BBS9: variants seen among roughly 807,000 people sequenced by gnomAD.
BBS9 encodes the protein protein PTHB1.
A neutral mutation model predicts 117.7 loss-of-function variants in BBS9; 89 were observed. That is an observed-to-expected ratio of 0.76 (90% CI 0.64 to 0.90). The LOEUF (loss-of-function observed/expected upper bound fraction) is 0.90. Among genes scored for constraint, BBS9 ranks in the 40% least tolerant of loss-of-function variants. The probability of loss-of-function intolerance (pLI) is 0.00; values close to 1 mark genes in which losing one functional copy is unlikely to be tolerated. For synonymous variants in BBS9, 379 were observed against 370.9 expected, an observed-to-expected ratio of 1.02 and a Z score of -0.25; for missense variants, 982 against 1,042.2, an observed-to-expected ratio of 0.94 and a Z score of 0.80.
rs1862109273 is a variant in BBS9, at chr7:33,592,572, G to T, written c.2522-12293G>T. ...TCCTGAGTGTTTCTTCAGTTTCCTT[G>T]TCCTATGTGGAAGGATATGATAAAA... is the stretch of plus-strand genomic sequence containing the variant. On this transcript the variant is annotated intron_variant, in intron 21 of 22. Transcript: ENST00000242067. 1.3e-5 allele frequency among the ~76,000 whole-genome samples: 2 copies of T among 152,028 alleles called. 1 individual carries two copies. The highest frequency in any genetic ancestry group is 4.1e-4 in the South Asian group (2 of 4,822).
chr7:33,180,533 T>C (rs1001884615), intron 5 of BBS9, among the ~76,000 whole-genome samples: 5 of 152,056 alleles, frequency 3.3e-5, no homozygotes, highest in Non-Finnish European at 7.4e-5. Flanking sequence ...ATTTTTGTAT[T>C]TTCAGTAGAG....
intron 19 of BBS9, among the ~76,000 whole-genome samples, chr7:33,454,664 A>C (rs1427970138): frequency 6.6e-6 from 1 of 152,248 alleles, no homozygotes; most frequent in Non-Finnish European, 1.5e-5. Flanking sequence ...CACCTCAATC[A>C]TAATGGCTAC....
chr7:33,554,409 G>A (rs961311908), intron 21 of BBS9, among the ~76,000 whole-genome samples: 6 of 152,120 alleles, frequency 3.9e-5, no homozygotes, highest in Non-Finnish European at 8.8e-5. Context: ...TATGGCAATG[G>A]AGATAGAAGT....
At chr7:33,589,545 T>C (rs1444056247) in intron 21 of BBS9, among the ~76,000 whole-genome samples, 2 of 152,062 alleles carry the variant, frequency 1.3e-5, no homozygotes, top group African/African-American at 4.8e-5. Flanking sequence ...TTTCAAATGT[T>C]GAAACAATAG....
chr7:33,431,041 A>C (rs566582938), intron 19 of BBS9, among the ~76,000 whole-genome samples: 1 of 151,944 alleles, frequency 6.6e-6, no homozygotes, highest in Admixed American at 6.5e-5. Context: ...AAAAAAAAAA[A>C]AAACTTAGAC....
intron 19 of BBS9, among the ~76,000 whole-genome samples, chr7:33,460,394 C>T (rs2128932789): frequency 6.6e-6 from 1 of 152,108 alleles, no homozygotes; most frequent in African/African-American, 2.4e-5. Flanking sequence ...AGGGTTTTCT[C>T]TTTAAGTAGC....
At chr7:33,560,291 A>G (rs6951439) in intron 21 of BBS9, among the ~76,000 whole-genome samples, 93,162 of 152,042 alleles carry the variant, frequency 0.61, 29,329 homozygotes, top group African/African-American at 0.73. Flanking sequence ...TAGGGATCAT[A>G]GTGGATTATT....
At chr7:33,399,296 A>T (rs1167835478) in intron 19 of BBS9, among the ~76,000 whole-genome samples, 1 of 151,978 alleles carries the variant, frequency 6.6e-6, no homozygotes, top group Non-Finnish European at 1.5e-5. Context: ...AATGATTTTC[A>T]CTCACTGGAT....
At chr7:33,288,182 C>T (rs1803269987) in intron 9 of BBS9, among the ~76,000 whole-genome samples, 1 of 152,168 alleles carries the variant, frequency 6.6e-6, no homozygotes, top group African/African-American at 2.4e-5. Flanking sequence ...ACCCAGCCCT[C>T]CTTTGGTTTC....
chr7:33,215,787 G>T (rs542662519), intron 5 of BBS9, among the ~76,000 whole-genome samples: 1 of 152,186 alleles, frequency 6.6e-6, no homozygotes, highest in African/African-American at 2.4e-5. Context: ...CCTTACATGC[G>T]GGAGCTAAAA....
At chr7:33,226,833 G>A (rs1028264214) in intron 5 of BBS9, among the ~76,000 whole-genome samples, 1 of 152,144 alleles carries the variant, frequency 6.6e-6, no homozygotes, top group Admixed American at 6.5e-5. Context: ...GGTTCTTAGA[G>A]TAGAGTAGTC....
At chr7:33,548,350 C>CTT (rs200406351) in intron 21 of BBS9, among the ~76,000 whole-genome samples, 35 of 151,462 alleles carry the variant, frequency 2.3e-4, no homozygotes, top group African/African-American at 7.0e-4. Flanking sequence ...TGTGAACTGC[C>CTT]TTTTTTTTTA....
chr7:33,308,665 A>T (rs910135279), intron 9 of BBS9, among the ~76,000 whole-genome samples: 3 of 152,236 alleles, frequency 2.0e-5, no homozygotes, highest in Non-Finnish European at 4.4e-5. Context: ...TTGACAGCTT[A>T]CTTAAATGAT....
At chr7:33,289,791 C>A (rs1243169668) in intron 9 of BBS9, among the ~76,000 whole-genome samples, 3 of 152,058 alleles carry the variant, frequency 2.0e-5, no homozygotes, top group African/African-American at 7.2e-5. Flanking sequence ...CGCCTGTAAT[C>A]CCAGCACTTT....
chr7:33,608,044 C>A (rs1402919376), downstream of BBS9, among the ~76,000 whole-genome samples: 1 of 151,826 alleles, frequency 6.6e-6, no homozygotes, highest in Non-Finnish European at 1.5e-5. Flanking sequence ...AACCTTTGGC[C>A]CCTCTCCCTA....
downstream of BBS9, among the ~76,000 whole-genome samples, chr7:33,610,837 CA>C: frequency 6.6e-6 from 1 of 152,200 alleles, no homozygotes; most frequent in Non-Finnish European, 1.5e-5. Context: ...TGAGAAATAT[CA>C]GCAAACCTTT....
In BBS9 at chr7:33,183,379, A is replaced by G. The variant is rs564294552; in HGVS notation, c.442+5788A>G. On this transcript the variant is annotated intron_variant, in intron 5 of 22. Transcript: ENST00000242067. ...CAGAAAAACACAATCCACGAAGAGG[A>G]AAAAAAAACATAAAGGCCTTTAAAA... 1.0e-3 allele frequency among the ~76,000 whole-genome samples: 156 copies of G among 151,180 alleles called. 1 individual carries two copies. The highest frequency in any genetic ancestry group is 3.6e-3 in the African/African-American group (150 of 41,266).
intron 2 of BBS9, among the ~76,000 whole-genome samples, chr7:33,147,077 A>G (rs1792520147): frequency 1.3e-5 from 2 of 152,184 alleles, no homozygotes; most frequent in South Asian, 2.1e-4. Flanking sequence ...CACTAGCTCT[A>G]TTTGGTGGTA....
chr7:33,310,842 C>G (rs1335991554), intron 9 of BBS9, among the ~76,000 whole-genome samples: 1 of 152,190 alleles, frequency 6.6e-6, no homozygotes, highest in African/African-American at 2.4e-5. Context: ...GCTTATTTAA[C>G]CCCCTTCTCT....
Sources: allele counts gnomAD v4.1 joint callset (sites outside exome capture counted in the v4.1 genomes callset), GRCh38; gene constraint gnomAD v4.1.1; transcripts MANE v1.5; gene names NCBI Gene and HGNC (gene_info 2026-07-23, HGNC 2026-07-21).